The following FMNL2 variants were observed in gnomAD, a reference collection of about 807,000 sequenced individuals.
FMNL2 encodes the protein formin-like protein 2.
Under a neutral mutation model 130.2 loss-of-function variants are expected in FMNL2, and 51 were observed. That is an observed-to-expected ratio of 0.39 (90% CI 0.31 to 0.49). The LOEUF is 0.49. Ranked by LOEUF, FMNL2 falls within the 20% of genes least tolerant of loss-of-function variation. The pLI is 0.85. For synonymous variants in FMNL2, 465 were observed against 467.1 expected (o/e 1.00, Z 0.06); for missense variants, 977 against 1,316.2 (o/e 0.74, Z 3.99).
At chr2:152,523,858 G>C (rs1328572145) in intron 2 of FMNL2, among the ~76,000 whole-genome samples, 2 of 152,148 alleles carry the variant, frequency 1.3e-5, no homozygotes, top group Non-Finnish European at 2.9e-5. Context: ...CTAACAACTT[G>C]CTTAGTGCTT....
intron 1 of FMNL2, among the ~76,000 whole-genome samples, chr2:152,511,641 C>T (rs74729315): frequency 6.6e-6 from 1 of 152,140 alleles, no homozygotes; most frequent in African/African-American, 2.4e-5. Flanking sequence ...GAGGCTGTAA[C>T]CTGGGCCAAG....
At chr2:152,394,370 ATCC>A (rs1435920377) in intron 1 of FMNL2, among the ~76,000 whole-genome samples, 2 of 152,062 alleles carry the variant, frequency 1.3e-5, no homozygotes, top group Non-Finnish European at 2.9e-5. Flanking sequence ...TTGCTTTTGA[ATCC>A]TCCTGGTTAG....
chr2:152,517,608 C>T (rs17399537), intron 1 of FMNL2, among the ~76,000 whole-genome samples: 4 of 151,968 alleles, frequency 2.6e-5, no homozygotes, highest in Non-Finnish European at 4.4e-5. Flanking sequence ...TTGATTCTTA[C>T]AGTTTGCCAG....
chr2:152,616,280 GAATGGCCTCCCCCA>G (rs1250305029), intron 12 of FMNL2, among the ~76,000 whole-genome samples: 1 of 148,934 alleles, frequency 6.7e-6, no homozygotes, highest in Non-Finnish European at 1.5e-5. Flanking sequence ...CAATCTATTT[GAATGGCCTCCCCCA>G]AATAACTTTT....
chr2:152,460,613 C>G (rs1271620447), intron 1 of FMNL2, among the ~76,000 whole-genome samples: 1 of 152,234 alleles, frequency 6.6e-6, no homozygotes, highest in African/African-American at 2.4e-5. Context: ...GCACAAGGGG[C>G]AAGTGAGCAA....
At chr2:152,437,804 A>G (rs1244708313) in intron 1 of FMNL2, among the ~76,000 whole-genome samples, 1 of 152,198 alleles carries the variant, frequency 6.6e-6, no homozygotes, top group African/African-American at 2.4e-5. Flanking sequence ...GAAGAGTTAT[A>G]TAGTTGGTCT....
intron 16 of FMNL2, 71 bp from the exon 17 acceptor site, chr2:152,626,454 C>T: frequency 7.6e-7 from 1 of 1,317,086 alleles, no homozygotes; most frequent in Non-Finnish European, 1.0e-6. Flanking sequence ...GCTTAAGAAA[C>T]TAACTGGTGG....
intron 1 of FMNL2, among the ~76,000 whole-genome samples, chr2:152,359,947 A>T (rs1397177627): frequency 6.6e-6 from 1 of 152,214 alleles, no homozygotes; most frequent in African/African-American, 2.4e-5. Flanking sequence ...CTAGGCACAC[A>T]TTCAACTACT....
At chr2:152,366,716 C>T (rs1181076327) in intron 1 of FMNL2, among the ~76,000 whole-genome samples, 4 of 152,210 alleles carry the variant, frequency 2.6e-5, no homozygotes, top group Admixed American at 6.5e-5. Context: ...CTGAAATCCC[C>T]GTACTTTGGG....
chr2:152,601,608 T>C (rs1239905948), intron 9 of FMNL2, among the ~76,000 whole-genome samples: 1 of 149,254 alleles, frequency 6.7e-6, no homozygotes, highest in Non-Finnish European at 1.5e-5. Context: ...CCGATTGCTT[T>C]CTTAAAGTAT....
intron 1 of FMNL2, among the ~76,000 whole-genome samples, chr2:152,492,306 C>T (rs748930892): frequency 3.3e-5 from 5 of 152,196 alleles, no homozygotes; most frequent in Non-Finnish European, 7.3e-5. Flanking sequence ...AAGGCTCATA[C>T]ACAGCCTATA....
At chr2:152,601,634 A>G (rs1202595811) in intron 9 of FMNL2, among the ~76,000 whole-genome samples, 1 of 147,668 alleles carries the variant, frequency 6.8e-6, no homozygotes, top group African/African-American at 2.5e-5. Flanking sequence ...GCAAACCAGT[A>G]GTATTATCTA....
At chr2:152,364,351 A>G (rs1288004068) in intron 1 of FMNL2, among the ~76,000 whole-genome samples, 1 of 146,204 alleles carries the variant, frequency 6.8e-6, no homozygotes. Context: ...TTTTATTTAC[A>G]GAGACCTATA....
intron 1 of FMNL2, among the ~76,000 whole-genome samples, chr2:152,436,611 G>A (rs1302155766): frequency 6.6e-6 from 1 of 152,156 alleles, no homozygotes; most frequent in East Asian, 1.9e-4. Context: ...GGGCTTTGGA[G>A]TCCTCTGAAT....
At chr2:152,581,276 GT>G (rs1696764262) in intron 9 of FMNL2, among the ~76,000 whole-genome samples, 1 of 152,010 alleles carries the variant, frequency 6.6e-6, no homozygotes, top group Non-Finnish European at 1.5e-5. Context: ...TGTTGTTTTT[GT>G]TTTAATTTTT....
In FMNL2 at chr2:152,419,446, C is replaced by T. The variant is rs544323263; in HGVS notation, c.117+83726C>T. ...TAGAAAACATGCTAAGTGAAGTAAG[C>T]GAAACACAGAAAGACACCACATGTT... is the stretch of plus-strand genomic sequence containing the variant. On this transcript the variant is annotated intron_variant, in intron 1 of 25. Coordinates refer to ENST00000288670, the MANE Select transcript of FMNL2 (RefSeq NM_052905.4). Among the ~76,000 whole-genome samples, 5 of 151,882 alleles carry T rather than the reference C, an allele frequency of 3.3e-5. No homozygotes were observed. In the South Asian group the frequency reaches 6.2e-4, roughly 19 times the overall value.
intron 1 of FMNL2, among the ~76,000 whole-genome samples, chr2:152,469,261 A>C (rs188889283): frequency 6.6e-6 from 1 of 152,240 alleles, no homozygotes; most frequent in East Asian, 1.9e-4. Flanking sequence ...CATACGTGTC[A>C]TTTCAGCTCT....
At chr2:152,564,776 G>GTTTTTTTTTT (rs56378937) in intron 6 of FMNL2, among the ~76,000 whole-genome samples, 1,096 of 79,248 alleles carry the variant, frequency 0.014, 81 homozygotes, top group African/African-American at 0.016. Context: ...TACAAGGTTG[G>GTTTTTTTTTT]TTTTTTTTTT....
intron 9 of FMNL2, among the ~76,000 whole-genome samples, chr2:152,604,697 G>A (rs1698263561): frequency 6.6e-6 from 1 of 152,062 alleles, no homozygotes; most frequent in Admixed American, 6.6e-5. Flanking sequence ...CTGGGTTCAA[G>A]CAATTCTCCT....
Sources: gnomAD v4.1 joint callset for allele counts (sites outside exome capture counted in the v4.1 genomes callset) on GRCh38, gnomAD v4.1.1 for gene constraint, MANE v1.5 for transcripts, NCBI Gene and HGNC (gene_info 2026-07-23, HGNC 2026-07-21) for gene names.